Variants in ATG7 observed in about 807,000 individuals in gnomAD.
ATG7 encodes ubiquitin-like modifier-activating enzyme ATG7.
In ATG7, 70 loss-of-function variants were observed where a neutral mutation model predicts 82.4. That is an observed-to-expected ratio of 0.85 (90% CI 0.70 to 1.04). The LOEUF (loss-of-function observed/expected upper bound fraction) is 1.04. ATG7 is among the 50% of genes least tolerant of loss of function. The pLI, the probability that ATG7 is intolerant of heterozygous loss-of-function variation, is 0.00. For synonymous variants in ATG7, 287 were observed against 313.0 expected (o/e 0.92, Z 0.88); for missense variants, 792 against 864.3 (o/e 0.92, Z 1.05).
At chr3:11,563,392 C>T in the ATG7 span, among the ~76,000 whole-genome samples, 2 of 152,262 alleles carry the variant, frequency 1.3e-5, no homozygotes, top group Non-Finnish European at 2.9e-5. Flanking sequence ...CTGCCCACCC[C>T]GGGGAGCAGT....
intron 20 of ATG7, among the ~76,000 whole-genome samples, chr3:11,477,934 C>T (rs527810441): frequency 6.6e-6 from 1 of 152,310 alleles, no homozygotes; most frequent in South Asian, 2.1e-4. Flanking sequence ...AGCTTAACTC[C>T]AGTGGAAAGC....
At chr3:11,499,720 C>G (rs1442212033) in intron 20 of ATG7, among the ~76,000 whole-genome samples, 1 of 147,742 alleles carries the variant, frequency 6.8e-6, no homozygotes, top group Non-Finnish European at 1.5e-5. Context: ...GCACTCCAGA[C>G]TGGACAACAA....
At chr3:11,412,716 C>G (rs1054937467) in intron 19 of ATG7, among the ~76,000 whole-genome samples, 1 of 151,690 alleles carries the variant, frequency 6.6e-6, no homozygotes, top group Non-Finnish European at 1.5e-5. Flanking sequence ...TTTATTTCTG[C>G]AAAAAACACC....
chr3:11,372,193 G>A (rs1164952978), intron 18 of ATG7, among the ~76,000 whole-genome samples: 2 of 151,308 alleles, frequency 1.3e-5, no homozygotes, highest in Admixed American at 1.3e-4. Flanking sequence ...TGGGACTGGA[G>A]CCAAGAAACC....
intron 8 of ATG7, 49 bp downstream of exon 8, chr3:11,313,469 G>A (rs753438423): frequency 3.9e-5 from 52 of 1,343,918 alleles, no homozygotes; most frequent in Admixed American, 1.7e-4. Context: ...GAATGTGCAA[G>A]AGTAGTTATG....
At chr3:11,566,229 C>CCA in the ATG7 span, among the ~76,000 whole-genome samples, 5 of 151,772 alleles carry the variant, frequency 3.3e-5, no homozygotes, top group Admixed American at 6.6e-5. Context: ...CACACGCACA[C>CCA]CACACACACA....
chr3:11,407,002 A>G lies in ATG7; in HGVS notation c.1957-19802A>G, dbSNP rs2080406667. The stretch of plus-strand genomic sequence containing the variant: ...AATCATGTCTTCCCAACAGTCCCCC[A>G]AAGTCTCAACTAATTTCAGCATTAA... On this transcript the variant is annotated intron_variant, in intron 19 of 20. Coordinates refer to ENST00000693202, the MANE Select transcript of ATG7 (RefSeq NM_001349232.2). Among the ~76,000 whole-genome samples the G allele has an allele frequency of 2.6e-5, 4 of 152,304 alleles. No individual in the cohort carries two copies. The South Asian group carries it at 8.3e-4, about 32-fold the overall frequency.
intron 19 of ATG7, among the ~76,000 whole-genome samples, chr3:11,390,551 T>A (rs1053711609): frequency 6.6e-6 from 1 of 152,240 alleles, no homozygotes; most frequent in Non-Finnish European, 1.5e-5. Context: ...GGAGACTGTA[T>A]GTTTCTGTTG....
intron 9 of ATG7, among the ~76,000 whole-genome samples, chr3:11,326,497 A>C (rs1271997129): frequency 6.6e-6 from 1 of 151,940 alleles, no homozygotes; most frequent in Non-Finnish European, 1.5e-5. Flanking sequence ...ATGGGGTTTC[A>C]CTGTGTTAGC....
intron 20 of ATG7, among the ~76,000 whole-genome samples, chr3:11,467,631 C>G (rs933354653): frequency 2.0e-5 from 3 of 152,226 alleles, no homozygotes; most frequent in African/African-American, 7.2e-5. Flanking sequence ...CTGCCTTGGC[C>G]TCCCAGAGTG....
At chr3:11,389,391 T>A (rs964984372) in intron 19 of ATG7, among the ~76,000 whole-genome samples, 1 of 151,730 alleles carries the variant, frequency 6.6e-6, no homozygotes, top group Non-Finnish European at 1.5e-5. Context: ...GTGTCTGACC[T>A]TCTCTAGTTT....
chr3:11,391,795 G>T (rs1000163700), intron 19 of ATG7, among the ~76,000 whole-genome samples: 2 of 152,156 alleles, frequency 1.3e-5, no homozygotes, highest in Admixed American at 1.3e-4. Context: ...GAATTGGCTA[G>T]CAAGAGCGCT....
intron 18 of ATG7, among the ~76,000 whole-genome samples, chr3:11,373,992 C>A (rs556592167): frequency 6.6e-6 from 1 of 152,072 alleles, no homozygotes; most frequent in South Asian, 2.1e-4. Context: ...TATTGTCTTA[C>A]GAGCAAATCA....
At chr3:11,411,332 A>G (rs1468389044) in intron 19 of ATG7, among the ~76,000 whole-genome samples, 2 of 151,992 alleles carry the variant, frequency 1.3e-5, no homozygotes, top group African/African-American at 4.8e-5. Context: ...CTGTATATTA[A>G]TTTCTTATCA....
intron 20 of ATG7, among the ~76,000 whole-genome samples, chr3:11,502,751 G>A (rs2091434523): frequency 1.3e-5 from 2 of 152,086 alleles, no homozygotes; most frequent in African/African-American, 4.8e-5. Context: ...CTGAAGACTT[G>A]GATTTGGGAC....
chr3:11,418,211 C>T (rs2081575207), intron 19 of ATG7, among the ~76,000 whole-genome samples: 1 of 151,728 alleles, frequency 6.6e-6, no homozygotes, highest in Non-Finnish European at 1.5e-5. Context: ...TTTAAGCCAT[C>T]CTCCCACCAT....
At chr3:11,337,387 A>T (rs1013329339) in intron 11 of ATG7, among the ~76,000 whole-genome samples, 1 of 152,064 alleles carries the variant, frequency 6.6e-6, no homozygotes, top group African/African-American at 2.4e-5. Context: ...TGGGAGGCGG[A>T]GGTTGCAGTG....
At chr3:11,451,767 T>A (rs1335152462) in intron 20 of ATG7, among the ~76,000 whole-genome samples, 1 of 145,466 alleles carries the variant, frequency 6.9e-6, no homozygotes, top group Non-Finnish European at 1.5e-5. Context: ...ATTACGTGTA[T>A]ATATATGTTT....
chr3:11,367,266 C>A (rs1398551076), intron 18 of ATG7, among the ~76,000 whole-genome samples: 1 of 152,098 alleles, frequency 6.6e-6, no homozygotes. Flanking sequence ...TCAGCACTTC[C>A]CTCCTCCTCT....
Sources: gnomAD v4.1 joint callset for allele counts (sites outside exome capture counted in the v4.1 genomes callset) on GRCh38, gnomAD v4.1.1 for gene constraint, MANE v1.5 for transcripts, NCBI Gene and HGNC (gene_info 2026-07-23, HGNC 2026-07-21) for gene names.